The following FAM184A variants were observed in gnomAD, a reference collection of about 807,000 sequenced individuals.
FAM184A encodes protein FAM184A.
In FAM184A, 99 loss-of-function variants were observed where a neutral mutation model predicts 143.8. That is an observed-to-expected ratio of 0.69 (90% CI 0.58 to 0.81). The LOEUF (loss-of-function observed/expected upper bound fraction) is 0.81, where lower values mean the gene tolerates loss of function less well. Ranked by LOEUF, FAM184A falls within the 40% of genes least tolerant of loss-of-function variation. The probability of loss-of-function intolerance (pLI) is 0.00; values close to 1 mark genes in which losing one functional copy is unlikely to be tolerated. For synonymous variants in FAM184A, 427 were observed against 446.4 expected (o/e 0.96, Z 0.55); for missense variants, 1,217 against 1,310.5 (o/e 0.93, Z 1.10).
chr6:118,961,390 AAAAAC>A (rs1308313074), intron 17 of FAM184A, among the ~76,000 whole-genome samples: 39 of 151,088 alleles, frequency 2.6e-4, no homozygotes, highest in Admixed American at 4.6e-4. Context: ...AACATATATA[AAAAAC>A]AAAAACCACT....
intron 6 of FAM184A, among the ~76,000 whole-genome samples, chr6:119,010,843 G>A (rs547764345): frequency 5.3e-5 from 8 of 152,088 alleles, no homozygotes; most frequent in Non-Finnish European, 7.4e-5. Context: ...GAACTTTGCC[G>A]ATATGAGATT....
intron 1 of FAM184A, among the ~76,000 whole-genome samples, chr6:119,051,637 T>C (rs1786769842): frequency 6.6e-6 from 1 of 152,008 alleles, no homozygotes; most frequent in Non-Finnish European, 1.5e-5. Flanking sequence ...CCCATAAATA[T>C]ATACGAGTAC....
At chr6:119,113,940 AAAAT>A (rs570853166) in intron 1 of FAM184A, among the ~76,000 whole-genome samples, 2 of 152,208 alleles carry the variant, frequency 1.3e-5, no homozygotes, top group Non-Finnish European at 2.9e-5. Context: ...ACTATGTCTC[AAAAT>A]AAATAAATAA....
chr6:119,113,757 T>A (rs1788992334), intron 1 of FAM184A, among the ~76,000 whole-genome samples: 1 of 152,028 alleles, frequency 6.6e-6, no homozygotes, highest in Admixed American at 6.5e-5. Context: ...CTGGCCAACA[T>A]GGTGAGACCC....
At position 118,964,669 on chromosome 6, in the gene FAM184A, T is replaced by C; in HGVS notation, c.3136A>G (p.Lys1046Glu). ...PTVGVINPLA[K>E]QKKKNDKSPT... ...TCTACAGTGTTTACGGCACATACCT[T>C]AGCCAATGGATTAATAACACCAACA... Residue 1046 changes from lysine to glutamate, a missense_variant and splice_region_variant, in exon 16 of 18, where the codon AAG becomes GAG. Coordinates refer to ENST00000338891, the MANE Select transcript of FAM184A (RefSeq NM_024581.6). The C allele has an allele frequency of 6.4e-7, 1 of 1,565,890 alleles. No homozygotes were observed. The highest frequency in any genetic ancestry group is 8.8e-7 in the Non-Finnish European group (1 of 1,139,490).
chr6:119,148,365 C>T lies in FAM184A; in HGVS notation c.-202+713G>A, dbSNP rs752296669. Among the ~76,000 whole-genome samples, 8 of 152,286 alleles carry T rather than the reference C, an allele frequency of 5.3e-5. No homozygotes were observed. The South Asian group carries it at 6.2e-4, about 12-fold the overall frequency. ...TTATTTCCCAGTCCCACCTACCCCACGAGAGTTGGAGCCTAGCCACATTCT... is the reference window on the plus strand; with the variant it reads ...TTATTTCCCAGTCCCACCTACCCCATGAGAGTTGGAGCCTAGCCACATTCT... On this transcript the variant is annotated intron_variant, in intron 1 of 16. Transcript: ENST00000352896.
chr6:118,997,818 G>A (rs776660195), intron 9 of FAM184A, among the ~76,000 whole-genome samples: 79 of 152,124 alleles, frequency 5.2e-4, no homozygotes, highest in Non-Finnish European at 1.1e-3. Flanking sequence ...ATGAATGTGA[G>A]CCACATGTAC....
chr6:118,974,676 T>C lies in FAM184A; in HGVS notation c.2769-102A>G, dbSNP rs1338842897. ...TTGAAATGGTTTTTGGTATAATATA[T>C]AGAAAATTTATGTAAACAGCCTAAA... is the stretch of plus-strand genomic sequence containing the variant. On this transcript the variant is annotated intron_variant, in intron 13 of 17. Coordinates refer to ENST00000338891, the MANE Select transcript of FAM184A (RefSeq NM_024581.6). 2.3e-5 allele frequency: 23 copies of C among 1,000,600 alleles called. No homozygotes were observed. The South Asian group carries it at 3.4e-4, about 15-fold the overall frequency. 62.0% of individuals were successfully genotyped at this position (1,000,600 alleles called of 1,614,324 possible).
At chr6:119,105,444 C>G (rs1051581886) in intron 1 of FAM184A, among the ~76,000 whole-genome samples, 4 of 152,126 alleles carry the variant, frequency 2.6e-5, no homozygotes, top group African/African-American at 9.7e-5. Flanking sequence ...CGCTGTCTCT[C>G]CTGCTCCACC....
intron 1 of FAM184A, among the ~76,000 whole-genome samples, chr6:119,145,326 T>C (rs1418051575): frequency 2.6e-5 from 4 of 152,184 alleles, no homozygotes; most frequent in Admixed American, 6.5e-5. Context: ...TGCTAGGCCC[T>C]GGGAGATAAC....
At chr6:119,067,033 T>C (rs962509149) in intron 1 of FAM184A, among the ~76,000 whole-genome samples, 17 of 152,356 alleles carry the variant, frequency 1.1e-4, no homozygotes, top group African/African-American at 3.4e-4. Flanking sequence ...TAAAATAAAT[T>C]ATTTTTTAAA....
intron 1 of FAM184A, among the ~76,000 whole-genome samples, chr6:119,147,424 A>G (rs907524579): frequency 2.6e-5 from 4 of 152,132 alleles, no homozygotes; most frequent in South Asian, 2.1e-4. Flanking sequence ...GTTTGCTGAC[A>G]TAAGATGAGG....
chr6:119,027,418 T>C (rs1785672610), intron 1 of FAM184A, among the ~76,000 whole-genome samples: 2 of 152,166 alleles, frequency 1.3e-5, no homozygotes, highest in African/African-American at 4.8e-5. Context: ...ATTTGGTCTC[T>C]TCCCCCAGTT....
intron 16 of FAM184A, chr6:118,963,875 AT>A (rs1368598239): frequency 1.3e-5 from 2 of 152,072 alleles, no homozygotes; most frequent in Non-Finnish European, 2.9e-5. Context: ...CTGAACAAAT[AT>A]TTACTGAATA....
chr6:119,090,066 C>G (rs1191481808), intron 1 of FAM184A, among the ~76,000 whole-genome samples: 1 of 152,196 alleles, frequency 6.6e-6, no homozygotes, highest in Non-Finnish European at 1.5e-5. Flanking sequence ...TCACAATCAA[C>G]CAGAAGCCAA....
upstream of FAM184A, among the ~76,000 whole-genome samples, chr6:119,082,244 CAT>C: frequency 6.6e-6 from 1 of 152,334 alleles, no homozygotes; most frequent in South Asian, 2.1e-4. Flanking sequence ...TCCCCTAACA[CAT>C]GGGGATTTCA....
At chr6:119,130,914 T>G (rs1562162709) in intron 1 of FAM184A, among the ~76,000 whole-genome samples, 1 of 149,588 alleles carries the variant, frequency 6.7e-6, no homozygotes, top group Non-Finnish European at 1.5e-5. Flanking sequence ...TAGAGTGCAG[T>G]GGTGTGATCT....
chr6:119,024,777 C>A lies in FAM184A; in HGVS notation c.196G>T (p.Glu66Ter). ...YALNTKNDEHESAIQALKDAH... is the reference protein window; with the variant it reads ...YALNTKNDEH ...TCTTTGAGGGCTTGAATTGCAGATT[C>A]ATGCTCATCATTTTTAGTGTTTAAA... Residue 66 changes from glutamate to a stop codon, truncating the protein, a stop_gained, in exon 2 of 18, where the codon GAA (glutamate) becomes TAA (stop). Coordinates refer to ENST00000338891, the MANE Select transcript of FAM184A (RefSeq NM_024581.6). LOFTEE classifies it high-confidence loss of function. 6.2e-7 allele frequency: 1 copy of A among 1,610,910 alleles called. No homozygotes were observed. The highest frequency in any genetic ancestry group is 1.1e-5 in the South Asian group (1 of 90,602).
intron 1 of FAM184A, among the ~76,000 whole-genome samples, chr6:119,034,602 T>C (rs1786041316): frequency 6.6e-6 from 1 of 151,738 alleles, no homozygotes; most frequent in Non-Finnish European, 1.5e-5. Flanking sequence ...TGCTTTTTGT[T>C]TTTTTATTTC....
Sources: allele counts gnomAD v4.1 joint callset (sites outside exome capture counted in the v4.1 genomes callset), GRCh38; gene constraint gnomAD v4.1.1; transcripts MANE v1.5; gene names NCBI Gene and HGNC (gene_info 2026-07-23, HGNC 2026-07-21).